Variants in ROBO2 observed in about 807,000 individuals in gnomAD.
ROBO2 encodes the protein roundabout homolog 2.
In ROBO2, 53 loss-of-function variants were observed where a neutral mutation model predicts 160.8. The observed-to-expected ratio is 0.33, with a 90% confidence interval of 0.26 to 0.41. The LOEUF is 0.41. Among genes scored for constraint, ROBO2 ranks in the 10% least tolerant of loss-of-function variants. The pLI is 1.00. For synonymous variants in ROBO2, 664 were observed against 611.7 expected (o/e 1.09, Z -1.26); for missense variants, 1,577 against 1,722.4 (o/e 0.92, Z 1.49).
At chr3:77,373,182 A>T (rs1246434224) in intron 2 of ROBO2, among the ~76,000 whole-genome samples, 1 of 147,556 alleles carries the variant, frequency 6.8e-6, no homozygotes, top group Non-Finnish European at 1.5e-5. Context: ...ATAAAATATT[A>T]TATTTTAAAA....
intron 2 of ROBO2, among the ~76,000 whole-genome samples, chr3:76,752,225 G>A (rs1014183468): frequency 1.3e-5 from 2 of 151,942 alleles, no homozygotes. Context: ...ACTCATAGGT[G>A]GGAATTAAAC....
intron 16 of ROBO2, among the ~76,000 whole-genome samples, chr3:77,582,833 T>C (rs2093953462): frequency 6.6e-6 from 1 of 152,104 alleles, no homozygotes; most frequent in Non-Finnish European, 1.5e-5. Flanking sequence ...ATTTATCTGA[T>C]ATTCTGCTCC....
At chr3:76,737,884 C>A (rs543051103) in intron 2 of ROBO2, among the ~76,000 whole-genome samples, 84 of 152,270 alleles carry the variant, frequency 5.5e-4, no homozygotes, top group Admixed American at 2.5e-3. Flanking sequence ...CGGTGGCTCA[C>A]ACCTGTAATT....
At chr3:77,044,559 T>A (rs1320307934) in intron 1 of ROBO2, among the ~76,000 whole-genome samples, 1 of 152,176 alleles carries the variant, frequency 6.6e-6, no homozygotes, top group Non-Finnish European at 1.5e-5. Context: ...TTTTCTTTTT[T>A]GGATCTAATG....
intron 14 of ROBO2, among the ~76,000 whole-genome samples, chr3:77,576,113 T>C (rs1365186496): frequency 6.6e-6 from 1 of 152,122 alleles, no homozygotes; most frequent in Non-Finnish European, 1.5e-5. Context: ...TCTGAAAGTC[T>C]TATTTTTCAA....
At position 77,293,791 on chromosome 3, in the gene ROBO2, G is replaced by GT. The variant is rs1250172730; in HGVS notation, c.389-183623_389-183622insT. ...TAAAGTAAAATTGATGGTTAAACGGGAAGTTGAGGCTAGAACAGTAAAGAC... is the reference window on the plus strand; with the variant it reads ...TAAAGTAAAATTGATGGTTAAACGGGTAAGTTGAGGCTAGAACAGTAAAGAC... On this transcript the variant is annotated intron_variant, in intron 2 of 25. Coordinates refer to ENST00000461745, the Ensembl canonical transcript of ROBO2. Among the ~76,000 whole-genome samples, 904 of 138,328 alleles carry GT rather than the reference G, an allele frequency of 6.5e-3. 3 individuals carry two copies. The highest frequency in any genetic ancestry group is 0.027 in the African/African-American group (853 of 32,148). The allele number at this position is 138,328 out of a possible 152,430, so 90.7% of individuals were successfully genotyped here.
intron 2 of ROBO2, among the ~76,000 whole-genome samples, chr3:77,264,291 T>C (rs1052820548): frequency 2.0e-5 from 3 of 152,260 alleles, no homozygotes; most frequent in East Asian, 3.9e-4. Flanking sequence ...CCCAGAGAAA[T>C]TTCACTTTTC....
intron 2 of ROBO2, among the ~76,000 whole-genome samples, chr3:77,404,328 A>C (rs768046885): frequency 6.6e-6 from 1 of 152,184 alleles, no homozygotes; most frequent in Admixed American, 6.5e-5. Context: ...AGATAATTTC[A>C]TGATTACATT....
At position 76,500,438 on chromosome 3, in the gene ROBO2, T is replaced by C. The variant is rs2080397078; in HGVS notation, c.109+562836T>C. Among the ~76,000 whole-genome samples, 4 of 152,282 alleles carry C rather than the reference T, an allele frequency of 2.6e-5. No homozygotes were observed. The South Asian group carries it at 6.2e-4, about 24-fold the overall frequency. On this transcript the variant is annotated intron_variant, in intron 2 of 26. Coordinates refer to the ROBO2 transcript ENST00000487694. ...AAATAGTTAATTTTAAAGGAAAATA[T>C]GGAATGTAATATATAGCCCTGCAAG...
chr3:77,067,593 CAT>C (rs537176601), intron 1 of ROBO2, among the ~76,000 whole-genome samples: 81 of 152,212 alleles, frequency 5.3e-4, no homozygotes, highest in South Asian at 1.9e-3. Flanking sequence ...AGCAAGGTAA[CAT>C]GTGAAAATAG....
intron 2 of ROBO2, among the ~76,000 whole-genome samples, chr3:76,429,628 A>G (rs1175733071): frequency 6.6e-6 from 1 of 152,200 alleles, no homozygotes; most frequent in African/African-American, 2.4e-5. Context: ...AGAACATTTC[A>G]TAGCTTCTCT....
intron 2 of ROBO2, among the ~76,000 whole-genome samples, chr3:77,190,034 T>A (rs1159922922): frequency 6.6e-6 from 1 of 151,958 alleles, no homozygotes; most frequent in African/African-American, 2.4e-5. Flanking sequence ...AGTATACACT[T>A]TTCATCTCCA....
chr3:76,283,233 C>T (rs891658301), intron 2 of ROBO2, among the ~76,000 whole-genome samples: 1 of 142,214 alleles, frequency 7.0e-6, no homozygotes, highest in African/African-American at 2.5e-5. Flanking sequence ...ATAATTCAGT[C>T]AGACATATTT....
chr3:77,456,059 C>T (rs1560885398), intron 2 of ROBO2, among the ~76,000 whole-genome samples: 1 of 152,146 alleles, frequency 6.6e-6, no homozygotes, highest in Non-Finnish European at 1.5e-5. Flanking sequence ...ATTGTCAGTG[C>T]TCATATGTAA....
chr3:76,461,752 AT>A (rs943807625), intron 2 of ROBO2, among the ~76,000 whole-genome samples: 3 of 152,170 alleles, frequency 2.0e-5, no homozygotes, highest in African/African-American at 7.2e-5. Context: ...GTAAATGAAA[AT>A]TTTTAAAGTA....
At chr3:76,285,841 G>A (rs2107684525) in intron 2 of ROBO2, among the ~76,000 whole-genome samples, 1 of 151,766 alleles carries the variant, frequency 6.6e-6, no homozygotes, top group Admixed American at 6.6e-5. Context: ...CTTATTTCTT[G>A]CCTCATTAAT....
At position 77,069,020 on chromosome 3, in the gene ROBO2, T is replaced by C. The variant is rs76152973; in HGVS notation, c.61+28174T>C. Among the ~76,000 whole-genome samples, 551 of 152,324 alleles carry C rather than the reference T, an allele frequency of 3.6e-3. 3 individuals are homozygous for C. The highest frequency in any genetic ancestry group is 0.013 in the African/African-American group (520 of 41,572). On this transcript the variant is annotated intron_variant, in intron 1 of 25. Coordinates refer to ENST00000461745, the Ensembl canonical transcript of ROBO2. Reference sequence around the variant, plus strand: ...ATTTGAGCATGGCCACGCTCAATTGTTTAAGCACAGTCTATGGCTACCTTC... The same window carrying C: ...ATTTGAGCATGGCCACGCTCAATTGCTTAAGCACAGTCTATGGCTACCTTC...
At chr3:77,025,275 G>A (rs976209229) in intron 2 of ROBO2, among the ~76,000 whole-genome samples, 3 of 152,116 alleles carry the variant, frequency 2.0e-5, no homozygotes, top group African/African-American at 7.2e-5. Context: ...GCTTAAGCCT[G>A]CTATCAGCTC....
intron 2 of ROBO2, among the ~76,000 whole-genome samples, chr3:76,598,786 C>T (rs2086902701): frequency 6.6e-6 from 1 of 152,084 alleles, no homozygotes; most frequent in Non-Finnish European, 1.5e-5. Flanking sequence ...TATAAATTAT[C>T]ATATCTAAAA....
Sources: allele counts gnomAD v4.1 joint callset (sites outside exome capture counted in the v4.1 genomes callset), GRCh38; gene constraint gnomAD v4.1.1; transcripts MANE v1.5; gene names NCBI Gene and HGNC (gene_info 2026-07-23, HGNC 2026-07-21).